The following MAGI2 variants were observed in gnomAD, a reference collection of about 807,000 sequenced individuals.
MAGI2 encodes the protein membrane associated guanylate kinase, WW and PDZ domain containing 2.
In MAGI2, 35 loss-of-function variants were observed where a neutral mutation model predicts 133.3. The observed-to-expected ratio is 0.26, with a 90% CI of 0.20 to 0.35. MAGI2 has a LOEUF of 0.35. Ranked by LOEUF, MAGI2 falls within the 10% of genes least tolerant of loss-of-function variation. The pLI, the probability that MAGI2 is intolerant of heterozygous loss-of-function variation, is 1.00. For missense variants in MAGI2, 1,636 were observed against 1,863.4 expected (o/e 0.88, Z 2.25); for synonymous variants, 729 against 710.6 (o/e 1.03, Z -0.41).
intron 1 of MAGI2, among the ~76,000 whole-genome samples, chr7:79,007,568 C>T (rs1339504618): frequency 6.6e-6 from 1 of 152,094 alleles, no homozygotes; most frequent in East Asian, 1.9e-4. Flanking sequence ...CTCCCCATTC[C>T]ATCCTACCCC....
chr7:79,233,270 G>A (rs1372595581), intron 1 of MAGI2, among the ~76,000 whole-genome samples: 4 of 123,068 alleles, frequency 3.3e-5, no homozygotes, highest in African/African-American at 1.3e-4. Flanking sequence ...TGTATATTCT[G>A]TTGATTTGGG....
At chr7:78,515,706 G>T (rs768322492) in intron 4 of MAGI2, among the ~76,000 whole-genome samples, 1 of 152,124 alleles carries the variant, frequency 6.6e-6, no homozygotes, top group Admixed American at 6.5e-5. Flanking sequence ...TTCAAGACCA[G>T]CCTGACCAAA....
At chr7:79,214,405 CTCTATATATATATA>C (rs1340443610) in intron 1 of MAGI2, among the ~76,000 whole-genome samples, 4 of 30,516 alleles carry the variant, frequency 1.3e-4, no homozygotes, top group Admixed American at 6.1e-4. Context: ...CTCTCTCTCT[CTCTATATATATATA>C]TATATATATA....
Position 78,019,851 on chromosome 7 carries a change from G to C in MAGI2, c.3832C>G (p.His1278Asp). 2.5e-6 allele frequency: 4 copies of C among 1,613,630 alleles called. No homozygotes were observed. The highest frequency in any genetic ancestry group is 3.4e-6 in the Non-Finnish European group (4 of 1,179,936). The change falls in exon 22 of 22, where the codon CAC becomes GAC. Residue 1278 changes from histidine (H) to aspartate (D), a missense_variant. Physicochemically the swap from His to Asp is moderately conservative, Grantham distance 81 (BLOSUM62 -1). Around this residue, in one of 5 missense-constraint regions of MAGI2, gnomAD observed 354 missense variants for 298.7 expected, o/e 1.19. Transcript: ENST00000354212. ...CAAGTTGGGCCTGGGCTTATCTGGT[G>C]GGAAGGGTCGGAGGGTGGGGCTGGA... ...SHPAPPSDPS[H>D]QISPGPTWDI...
intron 6 of MAGI2, among the ~76,000 whole-genome samples, chr7:78,401,782 A>C (rs1796892443): frequency 6.6e-6 from 1 of 152,198 alleles, no homozygotes; most frequent in Non-Finnish European, 1.5e-5. Flanking sequence ...CTCCTCTTTA[A>C]AAATGGAGAC....
At chr7:78,574,959 T>C (rs915438796) in intron 3 of MAGI2, among the ~76,000 whole-genome samples, 1 of 152,218 alleles carries the variant, frequency 6.6e-6, no homozygotes, top group South Asian at 2.1e-4. Flanking sequence ...TTCTCTACCA[T>C]GTCATCTCCC....
chr7:78,775,310 C>T (rs1390115289), intron 2 of MAGI2, among the ~76,000 whole-genome samples: 3 of 87,400 alleles, frequency 3.4e-5, no homozygotes, highest in Middle Eastern at 0.012. Context: ...GAGACTCTGT[C>T]GTCTCAAATT....
intron 10 of MAGI2, among the ~76,000 whole-genome samples, chr7:78,223,266 G>C (rs1347564871): frequency 1.3e-5 from 2 of 151,988 alleles, no homozygotes; most frequent in Non-Finnish European, 2.9e-5. Context: ...TTGTTCCCCA[G>C]ACCATTTGTT....
At chr7:79,421,154 T>C (rs964849370) in intron 1 of MAGI2, among the ~76,000 whole-genome samples, 2 of 152,016 alleles carry the variant, frequency 1.3e-5, no homozygotes, top group East Asian at 1.9e-4. Context: ...ACAATGCTAT[T>C]ACAATAAATC....
At chr7:78,134,487 G>A (rs1821893049) in intron 17 of MAGI2, 1 of 153,794 alleles carries the variant, frequency 6.5e-6, no homozygotes, top group Non-Finnish European at 1.4e-5. Context: ...CTACTCTTTT[G>A]AGCCTCAGGG....
intron 2 of MAGI2, among the ~76,000 whole-genome samples, chr7:78,848,609 C>A (rs767467125): frequency 2.0e-5 from 3 of 151,946 alleles, no homozygotes; most frequent in Non-Finnish European, 2.9e-5. Flanking sequence ...GATCTCCTCT[C>A]CTACAATCCT....
At chr7:78,400,794 G>T (rs1796787463) in intron 6 of MAGI2, among the ~76,000 whole-genome samples, 1 of 152,130 alleles carries the variant, frequency 6.6e-6, no homozygotes, top group African/African-American at 2.4e-5. Context: ...TAACTTATTA[G>T]CAGTGAATGT....
chr7:79,085,192 GA>G, intron 1 of MAGI2, among the ~76,000 whole-genome samples: 1 of 151,758 alleles, frequency 6.6e-6, no homozygotes, highest in African/African-American at 2.4e-5. Context: ...TGCTCAGACT[GA>G]AAATTCTCAA....
chr7:78,611,737 C>A (rs774890757), intron 3 of MAGI2, among the ~76,000 whole-genome samples: 2 of 152,192 alleles, frequency 1.3e-5, no homozygotes, highest in African/African-American at 4.8e-5. Context: ...CACCTCTGAA[C>A]AGTGCAGTAG....
chr7:78,420,790 C>T (rs1299626893), intron 6 of MAGI2, among the ~76,000 whole-genome samples: 1 of 152,124 alleles, frequency 6.6e-6, no homozygotes, highest in East Asian at 1.9e-4. Context: ...AACTGAAATA[C>T]TTAGCTTGGC....
Position 78,994,274 on chromosome 7 carries a change from G to T in MAGI2, c.418+12816C>A, listed in dbSNP as rs555175288. On this transcript the variant is annotated intron_variant, in intron 2 of 21. Transcript: ENST00000354212. ...CTATTATAATGACAGGAATTCTGAA[G>T]TGAACAGCACTGCTGTCTCTGTTTT... Among the ~76,000 whole-genome samples the T allele has an allele frequency of 1.4e-4, 21 of 152,228 alleles. No individual in the cohort carries two copies. The East Asian group carries it at 4.1e-3, about 29-fold the overall frequency.
intron 21 of MAGI2, among the ~76,000 whole-genome samples, chr7:78,033,985 A>G (rs1461828399): frequency 6.6e-6 from 1 of 152,232 alleles, no homozygotes; most frequent in South Asian, 2.1e-4. Flanking sequence ...GTCAACCCAG[A>G]ATACCAACAA....
chr7:78,500,185 A>G (rs140319644), intron 5 of MAGI2, among the ~76,000 whole-genome samples: 297 of 152,308 alleles, frequency 1.9e-3, no homozygotes, highest in Middle Eastern at 6.8e-3. Flanking sequence ...AGAGTTTCCA[A>G]CTTCACGTGA....
chr7:78,573,283 T>TAAA (rs1491484426), intron 3 of MAGI2, among the ~76,000 whole-genome samples: 8 of 46,224 alleles, frequency 1.7e-4, no homozygotes, highest in East Asian at 7.6e-4. Context: ...AATATATATA[T>TAAA]TTATATAAAT....
Sources: allele counts gnomAD v4.1 joint callset (sites outside exome capture counted in the v4.1 genomes callset), GRCh38; gene constraint gnomAD v4.1.1; regional missense constraint gnomAD v4.1.1; transcripts MANE v1.5; gene names NCBI Gene and HGNC (gene_info 2026-07-23, HGNC 2026-07-21).